Variants in PLSCR2 observed in about 807,000 individuals in gnomAD.
PLSCR2 encodes the protein phospholipid scramblase 2, also known as PL scramblase 2.
PLSCR2 carries 18 observed loss-of-function variants against 25.3 expected under a neutral mutation model. That is an observed-to-expected ratio of 0.71 (90% CI 0.49 to 1.06). The LOEUF (loss-of-function observed/expected upper bound fraction) is 1.06. Ranked by LOEUF, PLSCR2 falls within the 50% of genes least tolerant of loss-of-function variation. The pLI is 0.00. For synonymous variants in PLSCR2, 88 were observed against 87.3 expected, an observed-to-expected ratio of 1.01 and a Z score of -0.04; for missense variants, 243 against 269.5, an observed-to-expected ratio of 0.90 and a Z score of 0.69.
exon 9 of PLSCR2, chr3:146,433,512 G>A (rs1031271816): frequency 2.0e-5 from 3 of 152,038 alleles, no homozygotes; most frequent in Admixed American, 6.6e-5. Context: ...CCAAAGATCC[G>A]GAATCCTATG....
intron 1 of PLSCR2, 181 bp downstream of exon 1, chr3:146,469,314 A>T: frequency 1.0e-6 from 1 of 985,568 alleles, no homozygotes; most frequent in Non-Finnish European, 1.2e-6. Flanking sequence ...GCCAGGGTAC[A>T]GCTGGGCCGC....
rs367544590 is a variant in PLSCR2, at chr3:146,405,407, C to G, written c.101-9486G>C. Among the ~76,000 whole-genome samples, 86 of 152,100 alleles carry G rather than the reference C, an allele frequency of 5.7e-4. 1 individual carries two copies. Among genetic ancestry groups the G allele is most frequent in the African/African-American group, 2.0e-3 (82 of 41,482 alleles). ...GGGAGTCAGCTTGCACAAGTTAAGT[C>G]CTTGAGGAAGGGGCTGCCAGTGAAA... On this transcript the variant is annotated intron_variant and NMD_transcript_variant, in intron 2 of 3. Coordinates refer to the PLSCR2 transcript ENST00000463633.
chr3:146,451,626 A>T (rs892248300), intron 5 of PLSCR2, among the ~76,000 whole-genome samples: 9 of 152,178 alleles, frequency 5.9e-5, no homozygotes, highest in African/African-American at 2.2e-4. Flanking sequence ...TGATAGCTTC[A>T]GTATCAGGCT....
At chr3:146,494,669 A>C (rs956394008) in intron 1 of PLSCR2, 7 of 152,146 alleles carry the variant, frequency 4.6e-5, no homozygotes, top group Admixed American at 3.9e-4. Context: ...ACAGTTTTTA[A>C]ACACTCATGG....
At chr3:146,436,839 C>T (rs530231553), downstream of PLSCR2, among the ~76,000 whole-genome samples, 106 of 152,226 alleles carry the variant, frequency 7.0e-4, no homozygotes, top group African/African-American at 2.4e-3. Context: ...GAGAGGGCAT[C>T]CTTGTCTTGT....
At chr3:146,430,393 C>T (rs931442962), downstream of PLSCR2, among the ~76,000 whole-genome samples, 6 of 152,010 alleles carry the variant, frequency 3.9e-5, no homozygotes, top group Non-Finnish European at 1.5e-5. Flanking sequence ...AGTCAGGAAG[C>T]CATTGTATGG....
At chr3:146,441,189 A>G (rs2040221620), downstream of PLSCR2, among the ~76,000 whole-genome samples, 1 of 152,126 alleles carries the variant, frequency 6.6e-6, no homozygotes, top group Non-Finnish European at 1.5e-5. Context: ...AGATTAAAAA[A>G]TACTCCAGCC....
At chr3:146,468,904 C>T (rs2041985342) in intron 1 of PLSCR2, among the ~76,000 whole-genome samples, 1 of 152,104 alleles carries the variant, frequency 6.6e-6, no homozygotes, top group African/African-American at 2.4e-5. Context: ...AGAAATGAGG[C>T]AATGGAAAGA....
intron 2 of PLSCR2, among the ~76,000 whole-genome samples, chr3:146,413,047 T>C (rs944954794): frequency 6.6e-6 from 1 of 152,162 alleles, no homozygotes. Flanking sequence ...GAGCTGAACA[T>C]ACTAACATAC....
At chr3:146,391,778 G>T (rs1232802824) in intron 3 of PLSCR2, among the ~76,000 whole-genome samples, 1 of 151,992 alleles carries the variant, frequency 6.6e-6, no homozygotes, top group Non-Finnish European at 1.5e-5. Flanking sequence ...CAAAATAATA[G>T]ATTTGTACAT....
intron 3 of PLSCR2, among the ~76,000 whole-genome samples, chr3:146,392,029 G>C (rs2038098912): frequency 6.6e-6 from 1 of 151,948 alleles, no homozygotes; most frequent in Admixed American, 6.6e-5. Flanking sequence ...CTGAGTATTT[G>C]TGTCATTAAA....
downstream of PLSCR2, among the ~76,000 whole-genome samples, chr3:146,432,631 T>G (rs749696377): frequency 6.6e-6 from 1 of 152,202 alleles, no homozygotes; most frequent in African/African-American, 2.4e-5. Context: ...AATACTTTTA[T>G]AGAATCTACC....
chr3:146,443,527 G>C (rs1033844709), intron 6 of PLSCR2, among the ~76,000 whole-genome samples: 6 of 151,718 alleles, frequency 4.0e-5, no homozygotes, highest in Admixed American at 1.3e-4. Context: ...TTTGTTTTAG[G>C]TTTTCCAACT....
chr3:146,492,766 C>A (rs2043597036), intron 1 of PLSCR2, among the ~76,000 whole-genome samples: 1 of 151,590 alleles, frequency 6.6e-6, no homozygotes, highest in Non-Finnish European at 1.5e-5. Context: ...GAAACCAACC[C>A]CAAAGCTCAC....
intron 2 of PLSCR2, among the ~76,000 whole-genome samples, chr3:146,418,793 C>T (rs2039061464): frequency 6.6e-6 from 1 of 152,096 alleles, no homozygotes; most frequent in Non-Finnish European, 1.5e-5. Flanking sequence ...TTTATTTCTT[C>T]CTTTCCCTGT....
chr3:146,410,068 A>G (rs2038795355), intron 2 of PLSCR2, among the ~76,000 whole-genome samples: 1 of 142,988 alleles, frequency 7.0e-6, no homozygotes. Context: ...CACAACTCAA[A>G]GGCAAATAGC....
At chr3:146,445,943 T>C (rs1323438980) in intron 6 of PLSCR2, among the ~76,000 whole-genome samples, 1 of 152,236 alleles carries the variant, frequency 6.6e-6, no homozygotes, top group African/African-American at 2.4e-5. Context: ...CTCTGATGCA[T>C]TCTTCATTAC....
chr3:146,492,970 A>T (rs1326863455), intron 1 of PLSCR2, among the ~76,000 whole-genome samples: 2 of 150,280 alleles, frequency 1.3e-5, no homozygotes, highest in East Asian at 3.9e-4. Context: ...GACAAAGGAG[A>T]CATTAATATG....
chr3:146,391,637 A>G (rs1408276284), intron 3 of PLSCR2: 1 of 152,604 alleles, frequency 6.6e-6, no homozygotes, highest in East Asian at 1.9e-4. Flanking sequence ...TAGACATGAG[A>G]ATGATTTTTA....
Sources: gnomAD v4.1 joint callset for allele counts (sites outside exome capture counted in the v4.1 genomes callset) on GRCh38, gnomAD v4.1.1 for gene constraint, MANE v1.5 for transcripts, NCBI Gene and HGNC (gene_info 2026-07-23, HGNC 2026-07-21) for gene names.